SDK1: variants seen among roughly 807,000 people sequenced by gnomAD.
SDK1 encodes the protein sidekick cell adhesion molecule 1.
SDK1 carries 157 observed loss-of-function variants against 245.5 expected under a neutral mutation model. That is an observed-to-expected ratio of 0.64 (90% CI 0.56 to 0.73). SDK1 has a LOEUF of 0.73. SDK1 is among the 30% of genes least tolerant of loss of function. The pLI is 0.00. For synonymous variants in SDK1, 1,647 were observed against 1,278.5 expected, an observed-to-expected ratio of 1.29 and a Z score of -6.15; for missense variants, 3,583 against 3,002.3, an observed-to-expected ratio of 1.19 and a Z score of -4.52.
intron 14 of SDK1, among the ~76,000 whole-genome samples, chr7:3,997,783 C>A (rs1583777306): frequency 6.6e-6 from 1 of 152,146 alleles, no homozygotes; most frequent in Non-Finnish European, 1.5e-5. Context: ...TCCAGGCCCT[C>A]ACTGGCCTGA....
chr7:3,625,701 G>A (rs573316206), intron 2 of SDK1, among the ~76,000 whole-genome samples: 2 of 152,292 alleles, frequency 1.3e-5, no homozygotes, highest in South Asian at 4.1e-4. Context: ...ATAAATATGG[G>A]TCCCATGGTT....
At chr7:4,091,252 G>T (rs1424725082) in intron 22 of SDK1, among the ~76,000 whole-genome samples, 1 of 151,716 alleles carries the variant, frequency 6.6e-6, no homozygotes, top group Non-Finnish European at 1.5e-5. Context: ...TATCTACAAA[G>T]GCAATGATCC....
chr7:3,772,788 T>G (rs1467067772), intron 4 of SDK1, among the ~76,000 whole-genome samples: 1 of 152,232 alleles, frequency 6.6e-6, no homozygotes, highest in Non-Finnish European at 1.5e-5. Context: ...AACTTTTGTT[T>G]ATCTGGGAAA....
chr7:3,994,506 G>C (rs934213012), intron 14 of SDK1, among the ~76,000 whole-genome samples: 1 of 151,962 alleles, frequency 6.6e-6, no homozygotes, highest in Admixed American at 6.6e-5. Context: ...GCCAGGTGTG[G>C]TGGCTCATGC....
At chr7:3,779,225 G>T (rs1780652992) in intron 4 of SDK1, among the ~76,000 whole-genome samples, 1 of 152,190 alleles carries the variant, frequency 6.6e-6, no homozygotes, top group African/African-American at 2.4e-5. Flanking sequence ...TACAGAGCTG[G>T]AGTTGGCCAA....
intron 1 of SDK1, among the ~76,000 whole-genome samples, chr7:3,328,276 T>C (rs961218342): frequency 2.6e-5 from 4 of 152,144 alleles, no homozygotes; most frequent in Non-Finnish European, 4.4e-5. Flanking sequence ...TTTTGAATTA[T>C]TTGAAATGAA....
intron 4 of SDK1, among the ~76,000 whole-genome samples, chr7:3,666,480 C>T (rs1783535686): frequency 6.6e-6 from 1 of 152,170 alleles, no homozygotes; most frequent in Admixed American, 6.5e-5. Flanking sequence ...CTGCCCTCAC[C>T]CTGCTGCCGA....
intron 35 of SDK1, among the ~76,000 whole-genome samples, chr7:4,192,912 C>T (rs976493521): frequency 1.3e-5 from 2 of 151,036 alleles, no homozygotes; most frequent in Non-Finnish European, 2.9e-5. Flanking sequence ...ATTTTATTCA[C>T]AAATACTTTT....
intron 1 of SDK1, among the ~76,000 whole-genome samples, chr7:3,347,515 A>G (rs1319131228): frequency 6.6e-6 from 1 of 152,132 alleles, no homozygotes; most frequent in Admixed American, 6.5e-5. Context: ...TTGGGCTCAA[A>G]TGTGCCGTTG....
intron 13 of SDK1, among the ~76,000 whole-genome samples, chr7:3,982,620 C>A (rs916692170): frequency 6.6e-6 from 1 of 152,044 alleles, no homozygotes; most frequent in South Asian, 2.1e-4. Flanking sequence ...GTGGGTGGAT[C>A]ACAAGGTCAG....
chr7:3,960,149 C>T (rs1236811025), intron 8 of SDK1, among the ~76,000 whole-genome samples: 2 of 152,238 alleles, frequency 1.3e-5, no homozygotes, highest in African/African-American at 2.4e-5. Flanking sequence ...AGATGATTTT[C>T]ACTGTACCAC....
chr7:3,522,309 T>A (rs1782965816), intron 1 of SDK1, among the ~76,000 whole-genome samples: 1 of 152,076 alleles, frequency 6.6e-6, no homozygotes, highest in Admixed American at 6.6e-5. Context: ...AGCTAAAAAT[T>A]CAGAAATTTG....
intron 44 of SDK1, among the ~76,000 whole-genome samples, chr7:4,260,651 G>C (rs111661906): frequency 1.2e-5 from 1 of 80,852 alleles, no homozygotes; most frequent in African/African-American, 5.0e-5. Context: ...GGGGTCTCTG[G>C]GTGTGTGGGA....
At chr7:3,433,487 TTTTCTC>T (rs1293223025) in intron 1 of SDK1, among the ~76,000 whole-genome samples, 1 of 152,278 alleles carries the variant, frequency 6.6e-6, no homozygotes, top group Middle Eastern at 3.4e-3. Context: ...ACTCTCCTCT[TTTTCTC>T]TTTCTGTGTC....
chr7:3,548,035 C>G (rs944204969), intron 1 of SDK1, among the ~76,000 whole-genome samples: 3 of 152,104 alleles, frequency 2.0e-5, no homozygotes, highest in African/African-American at 7.2e-5. Context: ...AAAATAAATC[C>G]AAGAATTTGT....
chr7:3,621,923 C>G (rs1193612542), intron 2 of SDK1, among the ~76,000 whole-genome samples: 1 of 152,150 alleles, frequency 6.6e-6, no homozygotes, highest in African/African-American at 2.4e-5. Context: ...TTGAGAAACC[C>G]TTCTGTTTTT....
intron 4 of SDK1, among the ~76,000 whole-genome samples, chr7:3,687,310 G>A (rs1368487425): frequency 6.6e-6 from 1 of 151,838 alleles, no homozygotes; most frequent in Non-Finnish European, 1.5e-5. Flanking sequence ...TGTATTTTTA[G>A]GAGAGATGGG....
intron 21 of SDK1, 104 bp downstream of exon 21, chr7:4,077,293 G>C (rs1584043929): frequency 3.6e-6 from 4 of 1,115,696 alleles, no homozygotes; most frequent in Admixed American, 2.1e-5. Context: ...TGAGTGCCTT[G>C]AAAAGGAGTA....
intron 30 of SDK1, among the ~76,000 whole-genome samples, chr7:4,154,136 A>C (rs1163168697): frequency 6.6e-6 from 1 of 152,232 alleles, no homozygotes; most frequent in Non-Finnish European, 1.5e-5. Context: ...CTCTGCATTT[A>C]GCTCTGAGGC....
Sources: gnomAD v4.1 joint callset for allele counts (sites outside exome capture counted in the v4.1 genomes callset) on GRCh38, gnomAD v4.1.1 for gene constraint, MANE v1.5 for transcripts, NCBI Gene and HGNC (gene_info 2026-07-23, HGNC 2026-07-21) for gene names.